Variants in SLC4A4 observed in about 807,000 individuals in gnomAD.
SLC4A4 encodes the protein solute carrier family 4 member 4.
Under a neutral mutation model 111.5 loss-of-function variants are expected in SLC4A4, and 27 were observed. The ratio of observed to expected loss-of-function variants is 0.24; its 90% confidence interval spans 0.18 to 0.33. SLC4A4 has a LOEUF of 0.33. SLC4A4 is among the 10% of genes least tolerant of loss of function. The pLI is 1.00. For synonymous variants in SLC4A4, 443 were observed against 463.4 expected, an observed-to-expected ratio of 0.96 and a Z score of 0.57; for missense variants, 909 against 1,315.5, an observed-to-expected ratio of 0.69 and a Z score of 4.78.
intron 3 of SLC4A4, among the ~76,000 whole-genome samples, chr4:71,278,353 T>C (rs768206973): frequency 8.5e-5 from 13 of 152,200 alleles, no homozygotes; most frequent in Non-Finnish European, 1.6e-4. Context: ...ATGGACACTT[T>C]GGTCATTTCG....
At chr4:71,417,459 G>A (rs1369827274) in intron 7 of SLC4A4, among the ~76,000 whole-genome samples, 1 of 152,100 alleles carries the variant, frequency 6.6e-6, no homozygotes, top group Non-Finnish European at 1.5e-5. Context: ...ACTTCCTTCA[G>A]GCATGGAGCA....
At chr4:71,402,942 A>C (rs1238661530) in intron 7 of SLC4A4, among the ~76,000 whole-genome samples, 1 of 152,206 alleles carries the variant, frequency 6.6e-6, no homozygotes, top group Non-Finnish European at 1.5e-5. Flanking sequence ...CATATTCTTA[A>C]AGCTTAAACA....
At chr4:71,133,609 C>T (rs1046917338) in intron 2 of SLC4A4, among the ~76,000 whole-genome samples, 2 of 152,116 alleles carry the variant, frequency 1.3e-5, no homozygotes, top group African/African-American at 4.8e-5. Context: ...AGTCCCAGGC[C>T]TTTTTTAGGC....
chr4:71,180,181 A>G (rs1284516404), intron 2 of SLC4A4, among the ~76,000 whole-genome samples: 1 of 152,170 alleles, frequency 6.6e-6, no homozygotes, highest in Non-Finnish European at 1.5e-5. Context: ...CCTTCCTTAC[A>G]CCTTATACAA....
Position 71,273,503 on chromosome 4 carries a change from C to T in SLC4A4, c.253+18104C>T, listed in dbSNP as rs574124650. Among the ~76,000 whole-genome samples, 7 of 152,236 alleles carry T rather than the reference C, an allele frequency of 4.6e-5. No individual in the cohort carries two copies. In the South Asian group the frequency reaches 1.0e-3, roughly 23 times the overall value. ...CTGTAGTTTGGTTCATAGTTGGTTT[C>T]AGTCCCCAGGGCCAAAAGCTAGTTA... On this transcript the variant is annotated intron_variant, in intron 3 of 25. Transcript: ENST00000264485.
intron 2 of SLC4A4, among the ~76,000 whole-genome samples, chr4:71,143,105 C>T (rs563392031): frequency 7.9e-5 from 12 of 152,204 alleles, no homozygotes; most frequent in Non-Finnish European, 1.5e-4. Flanking sequence ...CCCATCCCCC[C>T]ACCATGCAAC....
intron 1 of SLC4A4, among the ~76,000 whole-genome samples, chr4:71,092,578 C>T (rs1279393237): frequency 6.6e-6 from 1 of 151,978 alleles, no homozygotes; most frequent in Non-Finnish European, 1.5e-5. Flanking sequence ...ACTGCAAAAA[C>T]CTAAAAACAG....
chr4:71,196,834 C>CAAA lies in SLC4A4; in HGVS notation c.-2+9471_-2+9473dup, dbSNP rs71212000. Among the ~76,000 whole-genome samples the CAAA allele has an allele frequency of 6.4e-4, 13 of 20,330 alleles. 5 individuals carry two copies. The highest frequency in any genetic ancestry group is 3.7e-3 in the Admixed American group (4 of 1,070). The allele number at this position is 20,330 out of a possible 152,430, so 13.3% of individuals were successfully genotyped here. On this transcript the variant is annotated intron_variant, in intron 1 of 25. Transcript: ENST00000264485. ...GGGTGACAGAGCAAGACTCTGTCTC[C>CAAA]AAAAAAAAAAAAAAAAAAAAAAAAA...
chr4:71,239,587 A>G (rs1048345884), intron 2 of SLC4A4, among the ~76,000 whole-genome samples: 3 of 152,188 alleles, frequency 2.0e-5, no homozygotes, highest in African/African-American at 7.2e-5. Flanking sequence ...ATAGAAAACC[A>G]TCAACTGCAA....
At chr4:71,523,757 C>G (rs900428017) in intron 16 of SLC4A4, among the ~76,000 whole-genome samples, 3 of 152,060 alleles carry the variant, frequency 2.0e-5, no homozygotes, top group African/African-American at 4.8e-5. Context: ...TAAACTTTTA[C>G]TCTTGTGTAT....
chr4:71,523,196 G>A (rs977232166), intron 16 of SLC4A4, among the ~76,000 whole-genome samples: 3 of 151,898 alleles, frequency 2.0e-5, no homozygotes, highest in Non-Finnish European at 4.4e-5. Context: ...TTTAGTGTTC[G>A]CCATCTTGGG....
intron 18 of SLC4A4, among the ~76,000 whole-genome samples, chr4:71,543,538 C>A (rs1735250996): frequency 6.6e-6 from 1 of 152,028 alleles, no homozygotes; most frequent in African/African-American, 2.4e-5. Context: ...ATCTTCATTT[C>A]ACCCTCTTTC....
chr4:71,106,661 A>G (rs1742929195), intron 2 of SLC4A4, among the ~76,000 whole-genome samples: 1 of 146,582 alleles, frequency 6.8e-6, no homozygotes, highest in Non-Finnish European at 1.5e-5. Context: ...TTCTCAGTAA[A>G]CTATTGCAAG....
intron 1 of SLC4A4, among the ~76,000 whole-genome samples, chr4:71,071,846 T>A (rs552577533): frequency 6.6e-6 from 1 of 152,350 alleles, no homozygotes; most frequent in Non-Finnish European, 1.5e-5. Flanking sequence ...TAATGCTGCA[T>A]AAATATCCTT....
chr4:71,321,800 C>A (rs1727140697), intron 3 of SLC4A4, among the ~76,000 whole-genome samples: 1 of 151,948 alleles, frequency 6.6e-6, no homozygotes, highest in South Asian at 2.1e-4. Flanking sequence ...CCAATCCTAC[C>A]ACGATGGCAA....
intron 3 of SLC4A4, among the ~76,000 whole-genome samples, chr4:71,259,857 G>C (rs1721720701): frequency 6.6e-6 from 1 of 152,098 alleles, no homozygotes; most frequent in Admixed American, 6.6e-5. Context: ...TGTGTAAGAT[G>C]GTAGGAAACA....
chr4:71,337,785 G>A (rs916291799), intron 3 of SLC4A4, among the ~76,000 whole-genome samples: 2 of 144,116 alleles, frequency 1.4e-5, no homozygotes, highest in African/African-American at 2.5e-5. Flanking sequence ...CCTTGCCCAC[G>A]TTGGGATTAT....
intron 2 of SLC4A4, among the ~76,000 whole-genome samples, chr4:71,241,105 T>C (rs1057285871): frequency 6.6e-6 from 1 of 151,808 alleles, no homozygotes; most frequent in Non-Finnish European, 1.5e-5. Flanking sequence ...GGTGACAGAG[T>C]GATACCCTGC....
chr4:71,478,351 A>G (rs1427805593), intron 14 of SLC4A4, among the ~76,000 whole-genome samples: 1 of 152,016 alleles, frequency 6.6e-6, no homozygotes, highest in Non-Finnish European at 1.5e-5. Context: ...AAGACTTGGA[A>G]CCAACCCAAA....
Sources: allele counts gnomAD v4.1 joint callset (sites outside exome capture counted in the v4.1 genomes callset), GRCh38; gene constraint gnomAD v4.1.1; transcripts MANE v1.5; gene names NCBI Gene and HGNC (gene_info 2026-07-23, HGNC 2026-07-21).